Variants in PDE4B observed in about 807,000 individuals in gnomAD.
PDE4B encodes phosphodiesterase 4B.
PDE4B carries 20 observed loss-of-function variants against 82.2 expected under a neutral mutation model. The ratio of observed to expected loss-of-function variants is 0.24; its 90% CI spans 0.17 to 0.35. The LOEUF (loss-of-function observed/expected upper bound fraction) is 0.35, where lower values mean the gene tolerates loss of function less well. PDE4B is among the 10% of genes least tolerant of loss of function. PDE4B has a pLI of 1.00. For missense variants in PDE4B, 655 were observed against 907.2 expected, an observed-to-expected ratio of 0.72 and a Z score of 3.57; for synonymous variants, 320 against 318.9, an observed-to-expected ratio of 1.00 and a Z score of -0.04.
At chr1:65,860,261 T>C (rs561025049) in intron 1 of PDE4B, among the ~76,000 whole-genome samples, 1 of 152,216 alleles carries the variant, frequency 6.6e-6, no homozygotes, top group Non-Finnish European at 1.5e-5. Context: ...TGTGTTCTCA[T>C]TGTTCAACTC....
intron 3 of PDE4B, among the ~76,000 whole-genome samples, chr1:66,239,917 G>T (rs1289933486): frequency 6.6e-6 from 1 of 152,152 alleles, no homozygotes; most frequent in East Asian, 1.9e-4. Context: ...AAAAATTAAA[G>T]CTTTCTAACA....
chr1:65,959,657 T>G (rs1173825744), intron 3 of PDE4B, among the ~76,000 whole-genome samples: 1 of 150,876 alleles, frequency 6.6e-6, no homozygotes, highest in African/African-American at 2.4e-5. Flanking sequence ...ATTACCCCCA[T>G]TTTTACAGAT....
intron 1 of PDE4B, among the ~76,000 whole-genome samples, chr1:65,845,361 A>G (rs747692186): frequency 2.0e-5 from 3 of 152,164 alleles, no homozygotes; most frequent in Non-Finnish European, 4.4e-5. Context: ...CCTTTAACAA[A>G]ATCTTGGCTA....
At chr1:66,253,160 T>C (rs1417735355) in intron 4 of PDE4B, among the ~76,000 whole-genome samples, 1 of 152,076 alleles carries the variant, frequency 6.6e-6, no homozygotes, top group Admixed American at 6.6e-5. Context: ...CATGGAGAGG[T>C]TACCTAATGT....
rs1307920598 is a variant in PDE4B at position 66,189,944 on chromosome 1, T to A, written c.282-57516T>A. 4.6e-5 allele frequency among the ~76,000 whole-genome samples: 7 copies of A among 152,196 alleles called. No homozygotes were observed. The East Asian group carries it at 1.3e-3, about 29-fold the overall frequency. On this transcript the variant is annotated intron_variant, in intron 3 of 16. Coordinates refer to ENST00000341517, the MANE Select transcript of PDE4B (RefSeq NM_002600.4). ...AGAGTTTCCAGTTTTTCTGCTCTGTTTTTTCCCCATCTTTGTGGTTTTATC... is the reference window on the plus strand; with the variant it reads ...AGAGTTTCCAGTTTTTCTGCTCTGTATTTTCCCCATCTTTGTGGTTTTATC...
chr1:65,950,232 C>T (rs7537687), intron 3 of PDE4B, among the ~76,000 whole-genome samples: 9,955 of 152,056 alleles, frequency 0.065, 370 homozygotes, highest in Middle Eastern at 0.18. Context: ...AGAGTATTGT[C>T]GCAGCTATTG....
intron 7 of PDE4B, among the ~76,000 whole-genome samples, chr1:66,275,177 AAC>A: frequency 6.6e-6 from 1 of 152,364 alleles, no homozygotes; most frequent in South Asian, 2.1e-4. Flanking sequence ...AATCTTAGTT[AAC>A]TGAAAGCCCT....
At chr1:66,233,417 T>C (rs1652149188) in intron 3 of PDE4B, among the ~76,000 whole-genome samples, 1 of 152,202 alleles carries the variant, frequency 6.6e-6, no homozygotes, top group Non-Finnish European at 1.5e-5. Context: ...TTTTTTACTA[T>C]GCCAATGCTA....
intron 3 of PDE4B, among the ~76,000 whole-genome samples, chr1:65,974,161 CCT>C (rs143654369): frequency 0.02 from 3,070 of 152,106 alleles, 99 homozygotes; most frequent in African/African-American, 0.07. Flanking sequence ...TCACGGTTGC[CCT>C]CTTTTCCAAT....
chr1:66,247,755 A>G (rs1653436658), intron 4 of PDE4B, 101 bp downstream of exon 4: 1 of 878,818 alleles, frequency 1.1e-6, no homozygotes. Context: ...TATGGTAAGG[A>G]TGAAGGAAGA....
chr1:66,050,996 A>C (rs1383748507), intron 3 of PDE4B, among the ~76,000 whole-genome samples: 1 of 152,126 alleles, frequency 6.6e-6, no homozygotes, highest in Non-Finnish European at 1.5e-5. Flanking sequence ...GAAAATTCCC[A>C]ATGGAAATGT....
At chr1:65,960,330 T>C (rs571948751) in intron 3 of PDE4B, among the ~76,000 whole-genome samples, 1 of 152,254 alleles carries the variant, frequency 6.6e-6, no homozygotes, top group South Asian at 2.1e-4. Context: ...ATCTCCATTA[T>C]CTGTCGGTGG....
chr1:65,941,540 C>A (rs1474479334), intron 3 of PDE4B, among the ~76,000 whole-genome samples: 1 of 151,854 alleles, frequency 6.6e-6, no homozygotes, highest in Non-Finnish European at 1.5e-5. Flanking sequence ...AAGGAGAAAA[C>A]CTTTAAGATA....
chr1:66,062,790 TGTATTGCATTAA>T (rs1655646010), intron 3 of PDE4B: 1 of 152,260 alleles, frequency 6.6e-6, no homozygotes, highest in South Asian at 2.1e-4. Flanking sequence ...TTTCAGTATC[TGTATTGCATTAA>T]GTATTGCAAA....
chr1:66,203,998 A>G (rs1177211615), intron 3 of PDE4B, among the ~76,000 whole-genome samples: 2 of 151,942 alleles, frequency 1.3e-5, no homozygotes, highest in East Asian at 1.9e-4. Flanking sequence ...TTGGTCTTTG[A>G]TGATGGTGAC....
intron 3 of PDE4B, among the ~76,000 whole-genome samples, chr1:66,132,783 G>A (rs1424004270): frequency 6.6e-6 from 1 of 152,016 alleles, no homozygotes; most frequent in African/African-American, 2.4e-5. Context: ...GGAAACTTGG[G>A]CTCACCAGCA....
chr1:65,867,471 C>A (rs1451914630), intron 1 of PDE4B, among the ~76,000 whole-genome samples: 1 of 152,172 alleles, frequency 6.6e-6, no homozygotes, highest in East Asian at 1.9e-4. Context: ...TTGACAATTT[C>A]CCTAAACATT....
chr1:65,893,933 G>T (rs1277312361), intron 1 of PDE4B, among the ~76,000 whole-genome samples: 2 of 152,054 alleles, frequency 1.3e-5, no homozygotes, highest in Non-Finnish European at 2.9e-5. Flanking sequence ...TTATAAGTGG[G>T]AGCTAAGCTA....
intron 3 of PDE4B, among the ~76,000 whole-genome samples, chr1:65,929,759 C>T (rs1292977981): frequency 6.6e-6 from 1 of 152,176 alleles, no homozygotes; most frequent in Non-Finnish European, 1.5e-5. Flanking sequence ...AACTCCTTGC[C>T]TCTCATGAGT....
Sources: allele counts gnomAD v4.1 joint callset (sites outside exome capture counted in the v4.1 genomes callset), GRCh38; gene constraint gnomAD v4.1.1; transcripts MANE v1.5; gene names NCBI Gene and HGNC (gene_info 2026-07-23, HGNC 2026-07-21).